Variants in CNOT10 observed in about 807,000 individuals in gnomAD.
CNOT10 encodes CCR4-NOT transcription complex subunit 10, also known as CCR4-NOT transcription complex, subunit 10.
Under a neutral mutation model 94.6 loss-of-function variants are expected in CNOT10, and 30 were observed. The observed-to-expected ratio is 0.32, with a 90% confidence interval of 0.24 to 0.43. The LOEUF is 0.43. Ranked by LOEUF, CNOT10 falls within the 20% of genes least tolerant of loss-of-function variation. The probability of loss-of-function intolerance (pLI) is 1.00; values close to 1 mark genes in which losing one functional copy is unlikely to be tolerated. For missense variants in CNOT10, 759 were observed against 877.2 expected, an observed-to-expected ratio of 0.87 and a Z score of 1.70; for synonymous variants, 289 against 301.6, an observed-to-expected ratio of 0.96 and a Z score of 0.43.
chr3:32,761,123 C>CA, intron 14 of CNOT10, among the ~76,000 whole-genome samples: 1 of 151,768 alleles, frequency 6.6e-6, no homozygotes, highest in Middle Eastern at 3.4e-3. Context: ...AGTGAGACTC[C>CA]ATCTCAAAAA....
intron 13 of CNOT10, among the ~76,000 whole-genome samples, chr3:32,742,654 T>C (rs1198145560): frequency 6.6e-6 from 1 of 152,194 alleles, no homozygotes; most frequent in Admixed American, 6.5e-5. Flanking sequence ...AGTGCTGAGA[T>C]CATAGGCGTG....
At chr3:32,770,591 C>G (rs1461027744) in intron 18 of CNOT10, among the ~76,000 whole-genome samples, 2 of 152,006 alleles carry the variant, frequency 1.3e-5, no homozygotes, top group Non-Finnish European at 2.9e-5. Context: ...TCCCAAAGTG[C>G]TTGGATTACA....
intron 17 of CNOT10, among the ~76,000 whole-genome samples, chr3:32,766,823 A>G (rs1700668874): frequency 6.6e-6 from 1 of 152,186 alleles, no homozygotes; most frequent in Non-Finnish European, 1.5e-5. Flanking sequence ...GTCACCTGCC[A>G]ATCCCTGGAC....
intron 13 of CNOT10, among the ~76,000 whole-genome samples, chr3:32,745,606 G>T (rs1699663871): frequency 6.6e-6 from 1 of 152,192 alleles, no homozygotes; most frequent in African/African-American, 2.4e-5. Context: ...TTTACTCCTG[G>T]TAGACAAAAC....
chr3:32,698,695 T>C (rs1175370918), intron 1 of CNOT10, among the ~76,000 whole-genome samples: 1 of 152,216 alleles, frequency 6.6e-6, no homozygotes, highest in Non-Finnish European at 1.5e-5. Flanking sequence ...TCATATTGCC[T>C]TCTTGGAAAA....
chr3:32,699,779 A>C (rs1697248941), intron 1 of CNOT10, among the ~76,000 whole-genome samples: 1 of 152,068 alleles, frequency 6.6e-6, no homozygotes, highest in Non-Finnish European at 1.5e-5. Flanking sequence ...GAGAGGGAAG[A>C]ATGGAAAGGA....
chr3:32,759,548 G>T lies in CNOT10; in HGVS notation c.1686G>T (p.Gln562His). The T allele has an allele frequency of 6.2e-7, 1 of 1,613,792 alleles. No individual in the cohort carries two copies. Among genetic ancestry groups the T allele is most frequent in the Non-Finnish European group, 8.5e-7 (1 of 1,179,774 alleles). Residue 562 changes from glutamine to histidine, a missense_variant, in exon 14 of 19, where the codon CAG (glutamine) becomes CAT (histidine). Coordinates refer to ENST00000328834, the MANE Select transcript of CNOT10 (RefSeq NM_015442.3). Reference protein sequence around the residue: ...ALNHADKLLQQPKLSGSLKFL... With the variant: ...ALNHADKLLQHPKLSGSLKFL... ...ATCATGCAGATAAACTTCTTCAGCA[G>T]CCCAAGCTGTCAGGATCTCTTAAGT...
At chr3:32,765,058 G>T in intron 17 of CNOT10, 3 of 1,288,522 alleles carry the variant, frequency 2.3e-6, no homozygotes, top group Non-Finnish European at 3.1e-6. Context: ...AGGCACAGTG[G>T]CTCATGCCTC....
chr3:32,742,492 A>G (rs1234219198), intron 13 of CNOT10, among the ~76,000 whole-genome samples: 1 of 140,268 alleles, frequency 7.1e-6, no homozygotes, highest in Non-Finnish European at 1.5e-5. Flanking sequence ...AGCGACTCTC[A>G]TGCCTCAGCC....
In CNOT10 at chr3:32,734,939, G is replaced by A; in HGVS notation, c.1477G>A (p.Gly493Arg). Residue 493 changes from glycine (G) to arginine (R), a missense_variant, in exon 12 of 19, where the codon GGG becomes AGG. This residue lies in a region of CNOT10 where 682 missense variants were observed against 799.4 expected (regional missense o/e 0.85). Transcript: ENST00000328834. The part of the protein sequence containing the change: ...NGAKNSNQLG[G>R]NTESSESSET... ...GGCTAAAAATAGTAATCAATTAGGT[G>A]GGAACACAGAGAGCAGCGAAAGCAG... The A allele has an allele frequency of 6.2e-7, 1 of 1,613,980 alleles. No homozygotes were observed. The highest frequency in any genetic ancestry group is 1.7e-5 in the Admixed American group (1 of 60,012).
chr3:32,728,577 C>T (rs1266719357), intron 10 of CNOT10, among the ~76,000 whole-genome samples: 1 of 151,894 alleles, frequency 6.6e-6, no homozygotes, highest in African/African-American at 2.4e-5. Context: ...AGAGCCACTG[C>T]ACTCCACCTT....
chr3:32,762,629 A>T, intron 14 of CNOT10, 104 bp from the exon 15 acceptor site: 1 of 1,155,618 alleles, frequency 8.7e-7, no homozygotes, highest in Non-Finnish European at 1.2e-6. Context: ...GAAATATGAG[A>T]CCTATATCCA....
chr3:32,752,622 G>A (rs570651013), intron 13 of CNOT10, among the ~76,000 whole-genome samples: 2 of 152,234 alleles, frequency 1.3e-5, no homozygotes, highest in African/African-American at 4.8e-5. Context: ...ACTGTTATTA[G>A]CAAAATGTTT....
chr3:32,768,318 A>AC (rs1206819342), intron 17 of CNOT10, among the ~76,000 whole-genome samples: 1 of 151,950 alleles, frequency 6.6e-6, no homozygotes, highest in African/African-American at 2.4e-5. Context: ...ACAGTGGCTC[A>AC]CATCTGTAAT....
At chr3:32,746,861 A>G (rs1219028284) in intron 13 of CNOT10, among the ~76,000 whole-genome samples, 1 of 136,082 alleles carries the variant, frequency 7.3e-6, no homozygotes, top group African/African-American at 2.7e-5. Context: ...AAAAAAAGAT[A>G]TGCACTCCTA....
chr3:32,737,574 C>A, intron 13 of CNOT10, 84 bp downstream of exon 13: 2 of 839,640 alleles, frequency 2.4e-6, no homozygotes, highest in Non-Finnish European at 1.9e-6. Flanking sequence ...CCTCTAATCC[C>A]AGCACTTTGG....
intron 13 of CNOT10, among the ~76,000 whole-genome samples, chr3:32,746,222 AC>A: frequency 6.6e-6 from 1 of 152,224 alleles, no homozygotes; most frequent in East Asian, 1.9e-4. Context: ...TAAGCAGCAG[AC>A]CCCAGCCTTT....
intron 7 of CNOT10, among the ~76,000 whole-genome samples, chr3:32,717,483 C>CATTTTAAATAA (rs1698175870): frequency 6.6e-6 from 1 of 151,794 alleles, no homozygotes; most frequent in Non-Finnish European, 1.5e-5. Context: ...TAAATAACTG[C>CATTTTAAATAA]CTATTTTTCT....
At chr3:32,768,415 A>G (rs1335783057) in intron 17 of CNOT10, among the ~76,000 whole-genome samples, 1 of 152,068 alleles carries the variant, frequency 6.6e-6, no homozygotes, top group Non-Finnish European at 1.5e-5. Flanking sequence ...AACCCCGTCT[A>G]TACTAAAAAT....
Sources: gnomAD v4.1 joint callset for allele counts (sites outside exome capture counted in the v4.1 genomes callset) on GRCh38, gnomAD v4.1.1 for gene constraint, gnomAD v4.1.1 regional missense constraint, MANE v1.5 for transcripts, NCBI Gene and HGNC (gene_info 2026-07-23, HGNC 2026-07-21) for gene names.